Variants in DNAAF11 observed in about 807,000 individuals in gnomAD.
DNAAF11 encodes leucine rich repeat containing 6.
A neutral mutation model predicts 60.8 loss-of-function variants in DNAAF11; 45 were observed. The ratio of observed to expected loss-of-function variants is 0.74; its 90% confidence interval spans 0.58 to 0.95. The LOEUF (loss-of-function observed/expected upper bound fraction) is 0.95. DNAAF11 is among the 40% of genes least tolerant of loss of function. The probability of loss-of-function intolerance (pLI) is 0.00; values close to 1 mark genes in which losing one functional copy is unlikely to be tolerated. For synonymous variants in DNAAF11, 191 were observed against 183.5 expected (o/e 1.04, Z -0.33); for missense variants, 546 against 546.2 (o/e 1.00, Z 0.00).
intron 3 of DNAAF11, among the ~76,000 whole-genome samples, chr8:132,652,523 C>T (rs1019420511): frequency 4.6e-5 from 7 of 152,070 alleles, no homozygotes; most frequent in African/African-American, 1.2e-4. Context: ...ATACACACCA[C>T]AGGAATGACG....
chr8:132,628,161 C>A (rs1368030352), intron 5 of DNAAF11, among the ~76,000 whole-genome samples: 1 of 152,128 alleles, frequency 6.6e-6, no homozygotes, highest in Non-Finnish European at 1.5e-5. Context: ...CGCCTGTAAT[C>A]CCAGCACTTT....
At chr8:132,577,132 G>A (rs1443136582) in intron 11 of DNAAF11, among the ~76,000 whole-genome samples, 1 of 151,976 alleles carries the variant, frequency 6.6e-6, no homozygotes, top group African/African-American at 2.4e-5. Flanking sequence ...CAGCCATGAT[G>A]CCCCACTGAA....
intron 4 of DNAAF11, among the ~76,000 whole-genome samples, chr8:132,633,457 T>G (rs569096894): frequency 1.3e-5 from 2 of 152,304 alleles, no homozygotes; most frequent in African/African-American, 4.8e-5. Context: ...TCAATTATGA[T>G]TTTCCAAAGT....
chr8:132,632,545 T>C (rs1820898806), intron 5 of DNAAF11, among the ~76,000 whole-genome samples, 195 bp downstream of exon 5: 1 of 152,126 alleles, frequency 6.6e-6, no homozygotes, highest in Admixed American at 6.5e-5. Context: ...AAGGAATTTT[T>C]CCCCCAAGGA....
intron 3 of DNAAF11, among the ~76,000 whole-genome samples, chr8:132,640,859 T>C (rs780043711): frequency 7.2e-5 from 11 of 152,286 alleles, no homozygotes; most frequent in Admixed American, 1.3e-4. Flanking sequence ...AACGTCTTGA[T>C]GTACCACTAA....
At chr8:132,694,139 C>T in the DNAAF11 span, among the ~76,000 whole-genome samples, 4 of 152,080 alleles carry the variant, frequency 2.6e-5, no homozygotes, top group Non-Finnish European at 5.9e-5. Context: ...CAGGGGTAAG[C>T]TATATTTTCA....
Position 132,572,384 on chromosome 8 carries a change from T to C in DNAAF11, c.1323A>G (p.Arg441=). 1 of 1,614,016 alleles carries C rather than the reference T, an allele frequency of 6.2e-7. No homozygotes were observed. The highest frequency in any genetic ancestry group is 8.5e-7 in the Non-Finnish European group (1 of 1,179,912). Residue 441 remains arginine, a synonymous_variant, in exon 12 of 12, where the codon AGA becomes AGG. Coordinates refer to ENST00000620350, the MANE Select transcript of DNAAF11 (RefSeq NM_012472.6). The part of the protein sequence containing the change: ...IVQEKKHTPR[R]RPEPKIIPSE... ...TTGGTATAATTTTGGGTTCAGGTCG[T>C]CTTCTGGGTGTGTGTTTTTTCTCTT...
At chr8:132,626,373 G>C (rs1033982539) in intron 5 of DNAAF11, among the ~76,000 whole-genome samples, 1 of 152,090 alleles carries the variant, frequency 6.6e-6, no homozygotes, top group Non-Finnish European at 1.5e-5. Flanking sequence ...ATTATGGCCT[G>C]TGTCTAGTTT....
Position 132,584,095 on chromosome 8 carries a change from G to A in DNAAF11, c.1141-316C>T, listed in dbSNP as rs375726308. On this transcript the variant is annotated intron_variant, in intron 10 of 11. Transcript: ENST00000620350. ...ATGCCAGATACTTTTGTGGGGTGTT[G>A]GGGATACAGATGTGATGGAAACACT... Among the ~76,000 whole-genome samples, 9 of 152,192 alleles carry A rather than the reference G, an allele frequency of 5.9e-5. No homozygotes were observed. The East Asian group carries it at 1.8e-3, about 30-fold the overall frequency.
chr8:132,611,407 C>G, intron 8 of DNAAF11, 44 bp from the exon 9 acceptor site: 1 of 1,185,726 alleles, frequency 8.4e-7, no homozygotes, highest in Admixed American at 1.8e-5. Context: ...TAAAAAATAT[C>G]AAGTTTGAAT....
At chr8:132,699,799 G>A in the DNAAF11 span, among the ~76,000 whole-genome samples, 1 of 152,120 alleles carries the variant, frequency 6.6e-6, no homozygotes, top group African/African-American at 2.4e-5. Context: ...GCTAAGATGT[G>A]AGTCGGATAA....
intron 3 of DNAAF11, among the ~76,000 whole-genome samples, chr8:132,647,213 T>C (rs546554673): frequency 1.3e-5 from 2 of 152,174 alleles, no homozygotes; most frequent in East Asian, 1.9e-4. Flanking sequence ...CTCAACTACA[T>C]GGAAACTGAA....
chr8:132,642,696 C>T (rs1005016370), intron 3 of DNAAF11, among the ~76,000 whole-genome samples: 1 of 152,218 alleles, frequency 6.6e-6, no homozygotes, highest in East Asian at 1.9e-4. Context: ...CAGATGGTAA[C>T]TGAAGCAACC....
chr8:132,663,660 A>G (rs1175962785), intron 1 of DNAAF11, among the ~76,000 whole-genome samples: 2 of 152,206 alleles, frequency 1.3e-5, no homozygotes, highest in African/African-American at 4.8e-5. Context: ...TTAGAACTGG[A>G]GTCCATGGGG....
intron 11 of DNAAF11, among the ~76,000 whole-genome samples, chr8:132,580,068 C>T (rs989503460): frequency 6.7e-6 from 1 of 148,462 alleles, no homozygotes; most frequent in Non-Finnish European, 1.5e-5. Flanking sequence ...ACCAATAGAA[C>T]AAGAACAGAA....
chr8:132,585,656 G>A (rs541130840), intron 10 of DNAAF11, among the ~76,000 whole-genome samples: 40 of 152,286 alleles, frequency 2.6e-4, no homozygotes, highest in Non-Finnish European at 5.3e-4. Context: ...GTATGCTATG[G>A]AAGAATTGGC....
At chr8:132,600,667 A>T (rs1817515772) in intron 10 of DNAAF11, among the ~76,000 whole-genome samples, 1 of 152,236 alleles carries the variant, frequency 6.6e-6, no homozygotes, top group African/African-American at 2.4e-5. Flanking sequence ...AAAACAAGAA[A>T]TGGGGAAAGG....
intron 5 of DNAAF11, among the ~76,000 whole-genome samples, chr8:132,631,407 A>C (rs1297361266): frequency 6.6e-6 from 1 of 152,226 alleles, no homozygotes; most frequent in Non-Finnish European, 1.5e-5. Flanking sequence ...TAATTTATTC[A>C]TCCAACAGGA....
intron 4 of DNAAF11, among the ~76,000 whole-genome samples, chr8:132,636,018 T>C (rs1821260185): frequency 6.6e-6 from 1 of 151,626 alleles, no homozygotes; most frequent in Non-Finnish European, 1.5e-5. Flanking sequence ...AACTTGAACG[T>C]CTGGCCTTCA....
Sources: allele counts gnomAD v4.1 joint callset (sites outside exome capture counted in the v4.1 genomes callset), GRCh38; gene constraint gnomAD v4.1.1; transcripts MANE v1.5; gene names NCBI Gene and HGNC (gene_info 2026-07-23, HGNC 2026-07-21).